The following TDRD12 variants were observed in gnomAD, a reference collection of about 807,000 sequenced individuals.
The protein encoded by TDRD12 is tudor domain containing 12.
A neutral mutation model predicts 133.5 loss-of-function variants in TDRD12; 158 were observed. The ratio of observed to expected loss-of-function variants is 1.18; its 90% CI spans 1.04 to 1.35. The LOEUF is 1.35. Ranked by LOEUF, TDRD12 falls within the 40% of genes most tolerant of loss-of-function variation. TDRD12 has a pLI of 0.00. For synonymous variants in TDRD12, 460 were observed against 477.9 expected, an observed-to-expected ratio of 0.96 and a Z score of 0.49; for missense variants, 1,443 against 1,321.3, an observed-to-expected ratio of 1.09 and a Z score of -1.43.
chr19:32,809,068 G>C (rs1246048082), intron 22 of TDRD12, among the ~76,000 whole-genome samples: 1 of 152,124 alleles, frequency 6.6e-6, no homozygotes, highest in Non-Finnish European at 1.5e-5. Flanking sequence ...GGAGGTGTGG[G>C]TCAGGGTAAC....
intron 21 of TDRD12, among the ~76,000 whole-genome samples, chr19:32,806,974 T>C (rs769179896): frequency 2.6e-5 from 4 of 152,186 alleles, no homozygotes; most frequent in Non-Finnish European, 5.9e-5. Context: ...AAATACTGAC[T>C]TTTAAAACGG....
chr19:32,721,355 T>C (rs553614906), intron 1 of TDRD12, among the ~76,000 whole-genome samples: 2 of 152,130 alleles, frequency 1.3e-5, no homozygotes, highest in South Asian at 4.2e-4. Flanking sequence ...ACGTAGCAGA[T>C]TGTGGGATTG....
intron 4 of TDRD12, among the ~76,000 whole-genome samples, chr19:32,744,526 A>C (rs1482679042): frequency 6.7e-6 from 1 of 149,156 alleles, no homozygotes; most frequent in Non-Finnish European, 1.5e-5. Flanking sequence ...AAAAAAAAAC[A>C]AAAGAATATA....
intron 8 of TDRD12, among the ~76,000 whole-genome samples, chr19:32,764,790 G>A (rs998332191): frequency 6.6e-6 from 1 of 152,148 alleles, no homozygotes; most frequent in Non-Finnish European, 1.5e-5. Flanking sequence ...TTACTTAGGT[G>A]CATAAAGGCT....
chr19:32,810,163 A>G, exon 23 of TDRD12: 3 of 1,535,352 alleles, frequency 2.0e-6, no homozygotes, highest in South Asian at 1.2e-5. Flanking sequence ...ATGGATCTTT[A>G]TGCAACTCTC....
chr19:32,804,135 C>T (rs113706120), intron 21 of TDRD12, among the ~76,000 whole-genome samples: 11,998 of 151,670 alleles, frequency 0.079, 826 homozygotes, highest in East Asian at 0.23. Context: ...TGCAGTGGCG[C>T]CATCTCGGCT....
At chr19:32,815,487 A>G in exon 26 of TDRD12, 1 of 1,536,520 alleles carries the variant, frequency 6.5e-7, no homozygotes, top group Admixed American at 2.0e-5. Context: ...AACCTCTGTC[A>G]TTGATTATAA....
At chr19:32,781,971 T>TTC (rs199865889) in intron 11 of TDRD12, among the ~76,000 whole-genome samples, 16,113 of 149,366 alleles carry the variant, frequency 0.11, 1,064 homozygotes, top group Middle Eastern at 0.16. Flanking sequence ...TATATTTTTC[T>TTC]TTTTTTTTTA....
downstream of TDRD12, among the ~76,000 whole-genome samples, chr19:32,821,848 A>C (rs1181609562): frequency 6.6e-6 from 1 of 152,252 alleles, no homozygotes; most frequent in Non-Finnish European, 1.5e-5. Flanking sequence ...GCCTCAGCAA[A>C]GAGGAGGAGC....
Position 32,754,480 on chromosome 19 carries a change from G to A in TDRD12, c.583-1512G>A, listed in dbSNP as rs548655457. 4.9e-4 allele frequency among the ~76,000 whole-genome samples: 74 copies of A among 152,022 alleles called. 1 individual carries two copies. The highest frequency in any genetic ancestry group is 1.8e-3 in the African/African-American group (73 of 41,514). On this transcript the variant is annotated intron_variant, in intron 6 of 27. Transcript: ENST00000444215. ...GTCTCAAAAACAAACAAAAAAAACC[G>A]CCAAAATATTGGCTGCAGAACCAGT...
At chr19:32,799,630 T>C (rs1297306405) in intron 16 of TDRD12, among the ~76,000 whole-genome samples, 1 of 152,182 alleles carries the variant, frequency 6.6e-6, no homozygotes, top group Non-Finnish European at 1.5e-5. Flanking sequence ...TTATACATAT[T>C]TACCAAGATA....
At chr19:32,728,889 C>T (rs1344451702) in intron 1 of TDRD12, among the ~76,000 whole-genome samples, 8 of 150,842 alleles carry the variant, frequency 5.3e-5, no homozygotes, top group South Asian at 4.2e-4. Flanking sequence ...CCTTGTGATC[C>T]GCCCGTCTCG....
intron 27 of TDRD12, among the ~76,000 whole-genome samples, chr19:32,819,101 A>C (rs1208575448): frequency 1.3e-5 from 2 of 152,030 alleles, no homozygotes; most frequent in Non-Finnish European, 2.9e-5. Context: ...AGGATTGCTC[A>C]AGCTCAGGAG....
At chr19:32,730,496 T>C (rs182421161) in intron 1 of TDRD12, among the ~76,000 whole-genome samples, 1 of 152,276 alleles carries the variant, frequency 6.6e-6, no homozygotes, top group East Asian at 1.9e-4. Context: ...GGTTTATTAT[T>C]GTTACCCACA....
intron 5 of TDRD12, 143 bp downstream of exon 5, chr19:32,748,674 C>T (rs1969730873): frequency 2.8e-6 from 2 of 704,990 alleles, no homozygotes; most frequent in Non-Finnish European, 2.3e-6. Flanking sequence ...CTGGGGCTTC[C>T]TCCAGCTCAA....
chr19:32,764,616 T>C (rs1440582236), intron 8 of TDRD12, among the ~76,000 whole-genome samples: 1 of 152,202 alleles, frequency 6.6e-6, no homozygotes, highest in East Asian at 1.9e-4. Context: ...CTTAATTAGG[T>C]CATACTGGTT....
At chr19:32,720,009 C>A in exon 1 of TDRD12, 1 of 1,536,906 alleles carries the variant, frequency 6.5e-7, no homozygotes. Context: ...CGCAGCCAGC[C>A]TCACCCGCGA....
intron 1 of TDRD12, among the ~76,000 whole-genome samples, chr19:32,728,936 C>T (rs560610738): frequency 7.9e-5 from 12 of 151,480 alleles, no homozygotes; most frequent in South Asian, 2.1e-4. Flanking sequence ...CATAAGCCAC[C>T]GTGCCTGGCC....
At chr19:32,772,304 G>T (rs2145598727) in intron 8 of TDRD12, among the ~76,000 whole-genome samples, 1 of 152,296 alleles carries the variant, frequency 6.6e-6, no homozygotes, top group African/African-American at 2.4e-5. Context: ...TCCTGAGTAT[G>T]TGGCCTTTTC....
Sources: gnomAD v4.1 joint callset for allele counts (sites outside exome capture counted in the v4.1 genomes callset) on GRCh38, gnomAD v4.1.1 for gene constraint, MANE v1.5 for transcripts, NCBI Gene and HGNC (gene_info 2026-07-23, HGNC 2026-07-21) for gene names.